QTMAN: variants seen among roughly 807,000 people sequenced by gnomAD.
The protein encoded by QTMAN is queuosine-tRNA mannosyltransferase.
chr2:144,040,312 C>A, the QTMAN span, among the ~76,000 whole-genome samples: 1 of 151,894 alleles, frequency 6.6e-6, no homozygotes, highest in Non-Finnish European at 1.5e-5. Context: ...AGAAACTGTA[C>A]CCTCATGATT....
At chr2:144,011,640 T>C in the QTMAN span, 5,683 of 884,376 alleles carry the variant, frequency 6.4e-3, 212 homozygotes, top group African/African-American at 0.1. Flanking sequence ...TCTATGCTAG[T>C]AAAAAAAAAA....
At chr2:144,211,997 C>A in the QTMAN span, among the ~76,000 whole-genome samples, 2 of 152,164 alleles carry the variant, frequency 1.3e-5, no homozygotes, top group East Asian at 1.9e-4. Context: ...AGTGCTAACT[C>A]CAAACCAAGG....
the QTMAN span, among the ~76,000 whole-genome samples, chr2:144,314,842 T>C: frequency 6.6e-6 from 1 of 152,244 alleles, no homozygotes; most frequent in Non-Finnish European, 1.5e-5. Flanking sequence ...ATTGGTTCAC[T>C]TTATTGGACA....
At chr2:144,002,634 A>T in the QTMAN span, among the ~76,000 whole-genome samples, 1 of 151,980 alleles carries the variant, frequency 6.6e-6, no homozygotes, top group Non-Finnish European at 1.5e-5. Context: ...AACTGTGTCA[A>T]CATTTAGAAG....
the QTMAN span, among the ~76,000 whole-genome samples, chr2:144,233,161 T>C: frequency 1.3e-5 from 2 of 152,098 alleles, no homozygotes; most frequent in Admixed American, 6.6e-5. Flanking sequence ...AAAATCCATA[T>C]AATAAAGGCA....
At chr2:144,273,926 G>A in the QTMAN span, among the ~76,000 whole-genome samples, 17 of 152,286 alleles carry the variant, frequency 1.1e-4, 1 homozygote, top group South Asian at 1.0e-3. Flanking sequence ...ACAAGGTCAA[G>A]AGATCCAGAC....
At chr2:144,222,067 GT>G in the QTMAN span, among the ~76,000 whole-genome samples, 4 of 147,102 alleles carry the variant, frequency 2.7e-5, no homozygotes, top group South Asian at 2.2e-4. Flanking sequence ...AAAGTTTTTT[GT>G]TTTTTTTTTG....
chr2:144,172,640 A>G, the QTMAN span, among the ~76,000 whole-genome samples: 1 of 151,584 alleles, frequency 6.6e-6, no homozygotes, highest in East Asian at 1.9e-4. Context: ...AAAAAAAAAA[A>G]AAAAGACTTC....
the QTMAN span, among the ~76,000 whole-genome samples, chr2:144,303,413 G>A: frequency 6.6e-6 from 1 of 152,150 alleles, no homozygotes; most frequent in Admixed American, 6.5e-5. Flanking sequence ...GAATAAGGGA[G>A]CCACTGAAAA....
the QTMAN span, among the ~76,000 whole-genome samples, chr2:144,021,740 A>G: frequency 6.6e-6 from 1 of 152,222 alleles, no homozygotes. Context: ...GGGAAAGGAA[A>G]TCTAATCATA....
the QTMAN span, among the ~76,000 whole-genome samples, chr2:144,060,957 T>C: frequency 2.6e-5 from 4 of 152,174 alleles, no homozygotes; most frequent in African/African-American, 9.6e-5. Context: ...TAAATCATTA[T>C]GGAAAAATAA....
chr2:144,007,173 T>C, the QTMAN span: 2 of 1,541,362 alleles, frequency 1.3e-6, no homozygotes, highest in Non-Finnish European at 1.8e-6. Flanking sequence ...TTGGCATGCC[T>C]TGACTTACCA....
chr2:144,278,035 G>C, the QTMAN span, among the ~76,000 whole-genome samples: 1 of 152,318 alleles, frequency 6.6e-6, no homozygotes. Flanking sequence ...ATCCACCAAT[G>C]ATGGCAGGCG....
chr2:144,083,177 G>A, the QTMAN span, among the ~76,000 whole-genome samples: 1 of 152,224 alleles, frequency 6.6e-6, no homozygotes, highest in Non-Finnish European at 1.5e-5. Context: ...GTGGTCTGCG[G>A]ACATGGACCC....
chr2:144,007,184 C>T, the QTMAN span: 1 of 1,572,652 alleles, frequency 6.4e-7, no homozygotes, highest in South Asian at 1.2e-5. Flanking sequence ...TGACTTACCA[C>T]CTGTGAGGCC....
chr2:144,305,078 CT>C, the QTMAN span, among the ~76,000 whole-genome samples: 1,525 of 152,086 alleles, frequency 0.01, 18 homozygotes, highest in African/African-American at 0.034. Context: ...TTGATAGTGT[CT>C]TTTAAAGTAT....
At chr2:144,256,044 G>A in the QTMAN span, among the ~76,000 whole-genome samples, 1 of 152,072 alleles carries the variant, frequency 6.6e-6, no homozygotes, top group Non-Finnish European at 1.5e-5. Flanking sequence ...CATATGATAA[G>A]TTATTTCTAA....
chr2:144,242,566 A>AG, the QTMAN span, among the ~76,000 whole-genome samples: 3 of 152,242 alleles, frequency 2.0e-5, no homozygotes, highest in Non-Finnish European at 4.4e-5. Context: ...TAAAGTTATT[A>AG]GGAATTCCAA....
At chr2:144,318,185 A>T in the QTMAN span, among the ~76,000 whole-genome samples, 1 of 142,806 alleles carries the variant, frequency 7.0e-6, no homozygotes, top group South Asian at 2.2e-4. Context: ...CTGCTGCTCT[A>T]TTTAAATAAA....
Sources: allele counts gnomAD v4.1 joint callset (sites outside exome capture counted in the v4.1 genomes callset), GRCh38; gene constraint gnomAD v4.1.1; transcripts MANE v1.5; gene names NCBI Gene and HGNC (gene_info 2026-07-23, HGNC 2026-07-21).